SDK1: variants seen among roughly 807,000 people sequenced by gnomAD.
SDK1 encodes sidekick cell adhesion molecule 1.
A neutral mutation model predicts 245.5 loss-of-function variants in SDK1; 157 were observed. That is an observed-to-expected ratio of 0.64 (90% CI 0.56 to 0.73). The LOEUF is 0.73. Among genes scored for constraint, SDK1 ranks in the 30% least tolerant of loss-of-function variants. The probability of loss-of-function intolerance (pLI) is 0.00; values close to 1 mark genes in which losing one functional copy is unlikely to be tolerated. For synonymous variants in SDK1, 1,647 were observed against 1,278.5 expected (o/e 1.29, Z -6.15); for missense variants, 3,583 against 3,002.3 (o/e 1.19, Z -4.52).
intron 26 of SDK1, among the ~76,000 whole-genome samples, chr7:4,128,904 G>A (rs1784580568): frequency 2.3e-5 from 3 of 130,662 alleles, no homozygotes; most frequent in Non-Finnish European, 4.9e-5. Flanking sequence ...CTTGGGGTGG[G>A]GTCCCCTGGA....
chr7:3,821,068 G>A (rs1442965411), intron 4 of SDK1, among the ~76,000 whole-genome samples: 1 of 152,196 alleles, frequency 6.6e-6, no homozygotes, highest in Non-Finnish European at 1.5e-5. Context: ...CGCTGGGTCA[G>A]GGTTGTGGTG....
At chr7:4,084,482 C>G (rs1368515020) in intron 22 of SDK1, among the ~76,000 whole-genome samples, 5 of 152,166 alleles carry the variant, frequency 3.3e-5, no homozygotes, top group Non-Finnish European at 5.9e-5. Flanking sequence ...CCTGCAGGGC[C>G]TTGGTTTCAT....
At chr7:3,922,636 T>C (rs1209446232) in intron 5 of SDK1, among the ~76,000 whole-genome samples, 1 of 152,242 alleles carries the variant, frequency 6.6e-6, no homozygotes, top group Non-Finnish European at 1.5e-5. Context: ...TTTGGGATTT[T>C]CATTTCTTTT....
chr7:3,391,184 A>G (rs1299122676), intron 1 of SDK1, among the ~76,000 whole-genome samples: 2 of 151,590 alleles, frequency 1.3e-5, no homozygotes, highest in Non-Finnish European at 2.9e-5. Context: ...ATAAAGTGGT[A>G]CTATGTCTTC....
chr7:4,267,190 C>G lies in SDK1; in HGVS notation c.*1806C>G, dbSNP rs1788520262. 2 of 966,552 alleles carry G rather than the reference C, an allele frequency of 2.1e-6. No individual in the cohort carries two copies. The highest frequency in any genetic ancestry group is 6.2e-5 in the Admixed American group (1 of 16,194). 59.9% of individuals were successfully genotyped at this position (966,552 alleles called of 1,614,324 possible). A position where few individuals can be genotyped will look rare whatever the true frequency, so the allele number is the denominator to read the frequency against. On this transcript the variant is annotated 3_prime_UTR_variant, in exon 45 of 45. Transcript: ENST00000404826. Reference sequence around the variant, plus strand: ...TTTTTTCTCTCCTCCCTTCCTTCCCCTCCTTCCTTTCCTTTACCCCTCCTT... The same window carrying G: ...TTTTTTCTCTCCTCCCTTCCTTCCCGTCCTTCCTTTCCTTTACCCCTCCTT...
Position 4,026,100 on chromosome 7 carries a change from A to T in SDK1, c.2602+8748A>T, listed in dbSNP as rs1387762082. ...CAGCACCCTGGACACGCCAGGCCGC[A>T]GCGCTGGTCTTCCACAGTCCCCATG... On this transcript the variant is annotated intron_variant, in intron 17 of 44. Coordinates refer to ENST00000404826, the MANE Select transcript of SDK1 (RefSeq NM_152744.4). The surrounding 1 kb of genome is among the most constrained non-coding windows in gnomAD (Gnocchi z 4.1). Among the ~76,000 whole-genome samples the T allele has an allele frequency of 6.6e-6, 1 of 152,238 alleles. No individual in the cohort carries two copies. The highest frequency in any genetic ancestry group is 1.5e-5 in the Non-Finnish European group (1 of 68,046).
intron 17 of SDK1, among the ~76,000 whole-genome samples, chr7:4,046,443 C>T (rs1277041141): frequency 1.3e-5 from 2 of 152,124 alleles, no homozygotes; most frequent in African/African-American, 2.4e-5. Flanking sequence ...TATAGGTTTA[C>T]ATTTATGCCT....
chr7:3,698,743 G>C (rs1172555521), intron 4 of SDK1, among the ~76,000 whole-genome samples: 1 of 152,138 alleles, frequency 6.6e-6, no homozygotes, highest in Non-Finnish European at 1.5e-5. Context: ...TCCTCACATG[G>C]CAGGTAGAGA....
At position 3,800,084 on chromosome 7, in the gene SDK1, G is replaced by A. The variant is rs143637345; in HGVS notation, c.714-21366G>A. ...TTTGGTGAGATTGTAGCAGGGTTGT[G>A]GGTTTGGCTCTCAGTCTCCAACGTT... On this transcript the variant is annotated intron_variant, in intron 4 of 44. Coordinates refer to ENST00000404826, the MANE Select transcript of SDK1 (RefSeq NM_152744.4). Among the ~76,000 whole-genome samples, 509 of 152,160 alleles carry A rather than the reference G, an allele frequency of 3.3e-3. 3 individuals are homozygous for A. Among genetic ancestry groups the A allele is most frequent in the African/African-American group, 0.012 (493 of 41,500 alleles).
intron 35 of SDK1, among the ~76,000 whole-genome samples, chr7:4,193,951 C>G (rs139462054): frequency 6.6e-6 from 1 of 152,102 alleles, no homozygotes; most frequent in Admixed American, 6.5e-5. Flanking sequence ...GAATCAGGAG[C>G]GTCAAATGCA....
intron 4 of SDK1, among the ~76,000 whole-genome samples, chr7:3,731,637 C>T (rs544765711): frequency 3.3e-5 from 5 of 152,182 alleles, no homozygotes; most frequent in East Asian, 1.9e-4. Flanking sequence ...GTCATTTTGT[C>T]GTCTCACCTA....
In SDK1 at chr7:3,969,399, T is replaced by G; in HGVS notation, c.1689T>G (p.Asn563Lys). Residue 563 changes from asparagine to lysine, a missense_variant, in exon 11 of 45, where the codon AAT (asparagine) becomes AAG (lysine). Coordinates refer to ENST00000404826, the MANE Select transcript of SDK1 (RefSeq NM_152744.4). ...CGGCCAACACAGAGGGCTCCCTGAA[T>G]GCATCGGCCACGCTCACTGTGTGGA... ...CYAANTEGSL[N>K]ASATLTVWNR... is the part of the protein sequence containing the mutation. The G allele has an allele frequency of 1.9e-6, 3 of 1,604,894 alleles. No individual in the cohort carries two copies. The highest frequency in any genetic ancestry group is 1.7e-6 in the Non-Finnish European group (2 of 1,175,660).
At chr7:3,757,070 T>C (rs778603919) in intron 4 of SDK1, among the ~76,000 whole-genome samples, 2 of 152,150 alleles carry the variant, frequency 1.3e-5, no homozygotes, top group Non-Finnish European at 2.9e-5. Flanking sequence ...TGACACCAAC[T>C]GGGTGTCCTG....
intron 13 of SDK1, among the ~76,000 whole-genome samples, chr7:3,982,043 C>T (rs1396141877): frequency 6.6e-6 from 1 of 152,326 alleles, no homozygotes; most frequent in East Asian, 1.9e-4. Flanking sequence ...CTTCAAAGGG[C>T]AGGCTGACTC....
At chr7:3,577,905 C>T (rs1014147347) in intron 1 of SDK1, among the ~76,000 whole-genome samples, 2 of 151,932 alleles carry the variant, frequency 1.3e-5, no homozygotes, top group African/African-American at 4.8e-5. Flanking sequence ...GACTGCATTG[C>T]TGATGTGGTT....
rs143347868 is a variant in SDK1, at chr7:4,167,152, G to T, written c.4800+5296G>T. On this transcript the variant is annotated intron_variant, in intron 32 of 44. Transcript: ENST00000404826. ...GGCACGCCTGTAATCCCAGCACTTT[G>T]GTAGGCTGAGGCGGGCAGATCACGA... 3.0e-3 allele frequency among the ~76,000 whole-genome samples: 452 copies of T among 152,298 alleles called. 4 individuals carry two copies. Among genetic ancestry groups the T allele is most frequent in the African/African-American group, 0.011 (439 of 41,562 alleles).
chr7:3,895,723 A>G (rs1297551150), intron 5 of SDK1, among the ~76,000 whole-genome samples: 1 of 152,164 alleles, frequency 6.6e-6, no homozygotes, highest in Non-Finnish European at 1.5e-5. Flanking sequence ...TAAGTGCTTG[A>G]TGCCATCAGT....
intron 4 of SDK1, among the ~76,000 whole-genome samples, chr7:3,817,315 C>G (rs1779533063): frequency 6.6e-6 from 1 of 152,172 alleles, no homozygotes; most frequent in Non-Finnish European, 1.5e-5. Context: ...CTTCTTACAG[C>G]TTGTAAGTAC....
chr7:3,816,799 A>C (rs1376822157), intron 4 of SDK1, among the ~76,000 whole-genome samples: 1 of 152,180 alleles, frequency 6.6e-6, no homozygotes, highest in African/African-American at 2.4e-5. Flanking sequence ...CAGAACACTA[A>C]GCCTTGGAAT....
Sources: gnomAD v4.1 joint callset for allele counts (sites outside exome capture counted in the v4.1 genomes callset) on GRCh38, gnomAD v4.1.1 for gene constraint, Gnocchi (gnomAD v3.1) non-coding constraint, MANE v1.5 for transcripts, NCBI Gene and HGNC (gene_info 2026-07-23, HGNC 2026-07-21) for gene names.